The following DNAJC13 variants were observed in gnomAD, a reference collection of about 807,000 sequenced individuals.
The protein encoded by DNAJC13 is DnaJ heat shock protein family (Hsp40) member C13.
DNAJC13 carries 75 observed loss-of-function variants against 290.5 expected under a neutral mutation model. That is an observed-to-expected ratio of 0.26 (90% CI 0.21 to 0.31). The LOEUF is 0.31. Ranked by LOEUF, DNAJC13 falls within the 10% of genes least tolerant of loss-of-function variation. DNAJC13 has a pLI of 1.00. For synonymous variants in DNAJC13, 862 were observed against 892.0 expected, an observed-to-expected ratio of 0.97 and a Z score of 0.60; for missense variants, 2,260 against 2,674.5, an observed-to-expected ratio of 0.85 and a Z score of 3.42.
chr3:132,466,254 A>G (rs376077895), intron 18 of DNAJC13, 45 bp from the exon 19 acceptor site: 250 of 1,551,456 alleles, frequency 1.6e-4, no homozygotes, highest in Admixed American at 2.1e-4. Flanking sequence ...TTAAGGCTAA[A>G]TTTTCTTTTT....
At chr3:132,472,601 A>G in intron 20 of DNAJC13, 1 of 985,356 alleles carries the variant, frequency 1.0e-6, no homozygotes, top group Non-Finnish European at 1.2e-6. Flanking sequence ...ACGTGTGTGA[A>G]ATGCATTAAG....
chr3:132,463,012 G>T (rs909116581), intron 16 of DNAJC13, among the ~76,000 whole-genome samples: 11 of 152,154 alleles, frequency 7.2e-5, no homozygotes, highest in African/African-American at 2.7e-4. Context: ...GTTGCTTTAT[G>T]CTTCTATATT....
At position 132,514,827 on chromosome 3, in the gene DNAJC13, C is replaced by T. The variant is rs530217506; in HGVS notation, c.5485+157C>T. ...TGTCTTCCTAATAATGTTTTACATA[C>T]GTTACTGTCTTGCATTTCCTATGTC... is the stretch of plus-strand genomic sequence containing the variant. On this transcript the variant is annotated intron_variant, in intron 46 of 55. Transcript: ENST00000260818. The T allele has an allele frequency of 2.7e-4, 164 of 608,566 alleles. 3 individuals are homozygous for T. The highest frequency in any genetic ancestry group is 8.2e-5 in the Non-Finnish European group (29 of 353,944). 37.7% of individuals were successfully genotyped at this position (608,566 alleles called of 1,614,324 possible).
At chr3:132,519,746 C>T (rs2107740836) in intron 48 of DNAJC13, among the ~76,000 whole-genome samples, 1 of 151,852 alleles carries the variant, frequency 6.6e-6, no homozygotes, top group Non-Finnish European at 1.5e-5. Flanking sequence ...TGTTTTTGAT[C>T]CATTTGAGTT....
intron 26 of DNAJC13, 109 bp from the exon 27 acceptor site, chr3:132,482,117 T>G (rs909747561): frequency 1.3e-6 from 1 of 762,884 alleles, no homozygotes; most frequent in Non-Finnish European, 2.0e-6. Context: ...AGGTTAACTT[T>G]TAAAGGGATA....
intron 46 of DNAJC13, 42 bp from the exon 47 acceptor site, chr3:132,516,380 T>C (rs1576515090): frequency 6.3e-7 from 1 of 1,592,296 alleles, no homozygotes; most frequent in Admixed American, 1.7e-5. Context: ...AAATATAAGC[T>C]AACCTGATGA....
At chr3:132,488,642 C>T (rs913763663) in intron 30 of DNAJC13, among the ~76,000 whole-genome samples, 190 bp downstream of exon 30, 1 of 151,612 alleles carries the variant, frequency 6.6e-6, no homozygotes, top group African/African-American at 2.4e-5. Flanking sequence ...ACCACTATTC[C>T]ACATCTAGCA....
intron 2 of DNAJC13, among the ~76,000 whole-genome samples, chr3:132,435,273 TCTGTTGA>T (rs1309964900): frequency 1.3e-5 from 2 of 152,234 alleles, no homozygotes; most frequent in African/African-American, 2.4e-5. Context: ...GTGAATGGCA[TCTGTTGA>T]CCATTACAAA....
At chr3:132,475,781 C>T (rs77189509) in intron 22 of DNAJC13, among the ~76,000 whole-genome samples, 14,075 of 152,070 alleles carry the variant, frequency 0.093, 810 homozygotes, top group South Asian at 0.14. Context: ...CACTGTCTAC[C>T]ACTTCTCAAG....
At chr3:132,420,763 A>G (rs548706963) in intron 1 of DNAJC13, among the ~76,000 whole-genome samples, 2 of 152,314 alleles carry the variant, frequency 1.3e-5, no homozygotes, top group Admixed American at 1.3e-4. Context: ...AAAACAAATC[A>G]TAAACTAAGT....
chr3:132,508,841 G>A (rs1049486232), intron 43 of DNAJC13, among the ~76,000 whole-genome samples: 1 of 152,172 alleles, frequency 6.6e-6, no homozygotes, highest in South Asian at 2.1e-4. Context: ...ATGACAACAC[G>A]TCTGTTTATG....
In DNAJC13 at chr3:132,537,053, CT is replaced by C; in HGVS notation, c.6626-1118del. On this transcript the variant is annotated intron_variant, in intron 55 of 55. Transcript: ENST00000260818. The stretch of plus-strand genomic sequence containing the variant: ...AAACAAGATGAATCTGAATGGTGGC[CT>C]TTTTGTCCTCCACCAATCCCTGTTT... 3 of 450,012 alleles carry C rather than the reference CT, an allele frequency of 6.7e-6. No homozygotes were observed. The Admixed American group carries it at 7.1e-5, about 11-fold the overall frequency. 27.9% of individuals were successfully genotyped at this position (450,012 alleles called of 1,614,324 possible). A position where few individuals can be genotyped will look rare whatever the true frequency, so the allele number is the denominator to read the frequency against.
At chr3:132,533,824 A>G (rs111522565) in intron 55 of DNAJC13, among the ~76,000 whole-genome samples, 4,506 of 152,328 alleles carry the variant, frequency 0.03, 216 homozygotes, top group African/African-American at 0.1. Context: ...ACAGAGTGTG[A>G]ACCAAAAGGT....
chr3:132,432,026 A>T (rs748800198), intron 1 of DNAJC13, among the ~76,000 whole-genome samples: 2 of 152,190 alleles, frequency 1.3e-5, no homozygotes, highest in African/African-American at 4.8e-5. Context: ...TTATGTCTCA[A>T]GCCGTTATAA....
chr3:132,507,094 CTT>C, intron 42 of DNAJC13, 141 bp from the exon 43 acceptor site: 1 of 511,706 alleles, frequency 2.0e-6, no homozygotes. Context: ...ATTCCAAAGT[CTT>C]TTTAAGTGCT....
intron 2 of DNAJC13, among the ~76,000 whole-genome samples, chr3:132,440,832 C>G (rs1933041286): frequency 6.6e-6 from 1 of 152,140 alleles, no homozygotes; most frequent in Non-Finnish European, 1.5e-5. Flanking sequence ...TCGAGGAAAC[C>G]AAAGCTTAGA....
intron 5 of DNAJC13, among the ~76,000 whole-genome samples, chr3:132,448,221 G>C (rs1444097658): frequency 6.6e-6 from 1 of 152,198 alleles, no homozygotes; most frequent in Non-Finnish European, 1.5e-5. Context: ...TCCTTATGCA[G>C]TATCCCAAAC....
At chr3:132,429,402 G>A (rs780035622) in intron 1 of DNAJC13, among the ~76,000 whole-genome samples, 3 of 151,980 alleles carry the variant, frequency 2.0e-5, no homozygotes, top group South Asian at 2.1e-4. Context: ...TGGCCCAATC[G>A]CTTACCAGCT....
intron 30 of DNAJC13, 139 bp from the exon 31 acceptor site, chr3:132,488,833 TTAAA>T: frequency 3.1e-6 from 2 of 639,972 alleles, no homozygotes; most frequent in South Asian, 4.0e-5. Flanking sequence ...TATTCAGAAA[TTAAA>T]TAATTTGGGA....
Sources: gnomAD v4.1 joint callset for allele counts (sites outside exome capture counted in the v4.1 genomes callset) on GRCh38, gnomAD v4.1.1 for gene constraint, MANE v1.5 for transcripts, NCBI Gene and HGNC (gene_info 2026-07-23, HGNC 2026-07-21) for gene names.